GNA12: variants seen among roughly 807,000 people sequenced by gnomAD.
The protein encoded by GNA12 is guanine nucleotide-binding protein subunit alpha-12.
GNA12 carries 9 observed loss-of-function variants against 26.0 expected under a neutral mutation model. That is an observed-to-expected ratio of 0.35 (90% CI 0.21 to 0.60). The LOEUF is 0.60. Ranked by LOEUF, GNA12 falls within the 20% of genes least tolerant of loss-of-function variation. GNA12 has a pLI of 0.78. For missense variants in GNA12, 405 were observed against 525.8 expected (o/e 0.77, Z 2.25); for synonymous variants, 264 against 219.6 (o/e 1.20, Z -1.79).
At chr7:2,787,727 G>A (rs937624996) in intron 2 of GNA12, among the ~76,000 whole-genome samples, 1 of 151,936 alleles carries the variant, frequency 6.6e-6, no homozygotes, top group African/African-American at 2.4e-5. Context: ...GGGAGAGGCC[G>A]GGGGTAAGTG....
chr7:2,754,878 A>G (rs915268090), intron 2 of GNA12, among the ~76,000 whole-genome samples: 3 of 152,198 alleles, frequency 2.0e-5, no homozygotes, highest in Non-Finnish European at 2.9e-5. Flanking sequence ...TCTAGGCCCC[A>G]AGGAGTTTCT....
chr7:2,743,936 T>A, intron 2 of GNA12, among the ~76,000 whole-genome samples: 1 of 151,812 alleles, frequency 6.6e-6, no homozygotes, highest in East Asian at 1.9e-4. Flanking sequence ...CACAGCAGTC[T>A]GAGATCAAAC....
intron 2 of GNA12, among the ~76,000 whole-genome samples, chr7:2,766,472 G>A (rs750675963): frequency 4.9e-4 from 72 of 148,396 alleles, no homozygotes; most frequent in Non-Finnish European, 9.3e-4. Context: ...TGCAACCTCC[G>A]CTTCCCAGGT....
intron 2 of GNA12, among the ~76,000 whole-genome samples, chr7:2,742,859 C>T (rs798513): frequency 0.4 from 61,455 of 152,066 alleles, 12,665 homozygotes; most frequent in Admixed American, 0.47. Context: ...AGAAATACAA[C>T]TGATTTCTGT....
chr7:2,822,762 T>C (rs967999470), intron 1 of GNA12, among the ~76,000 whole-genome samples: 3 of 152,188 alleles, frequency 2.0e-5, no homozygotes, highest in Admixed American at 6.5e-5. Flanking sequence ...CAGCGAGCTA[T>C]GATCGCCCCA....
At chr7:2,733,084 G>A (rs1242497882) in intron 3 of GNA12, among the ~76,000 whole-genome samples, 2 of 152,198 alleles carry the variant, frequency 1.3e-5, no homozygotes, top group South Asian at 2.1e-4. Flanking sequence ...CCCGGAGGCC[G>A]GGGGAGGGCT....
intron 2 of GNA12, among the ~76,000 whole-genome samples, chr7:2,751,912 C>T (rs1366957034): frequency 6.6e-6 from 1 of 152,180 alleles, no homozygotes; most frequent in Non-Finnish European, 1.5e-5. Context: ...GATGACCTCA[C>T]TATCAAACAC....
At chr7:2,820,620 G>C (rs1284210294) in intron 1 of GNA12, among the ~76,000 whole-genome samples, 1 of 152,254 alleles carries the variant, frequency 6.6e-6, no homozygotes, top group East Asian at 1.9e-4. Flanking sequence ...GTGACACACA[G>C]TGTGGCAGCT....
chr7:2,731,678 C>A lies in GNA12; in HGVS notation c.649G>T (p.Val217Phe). The A allele has an allele frequency of 6.2e-7, 1 of 1,608,054 alleles. No individual in the cohort carries two copies. Among genetic ancestry groups the A allele is most frequent in the Non-Finnish European group, 8.5e-7 (1 of 1,176,928 alleles). ...ATCTTAAAGGGGATCTTCTTAATAA[C>A]GAAGTCATGCTCCACAATTCCCTTG... ...ATKGIVEHDF[V>F]IKKIPFKMVD... The change falls in exon 4 of 4, where the codon GTT becomes TTT. Residue 217 changes from valine (V) to phenylalanine (F), a missense_variant. Val to Phe is a conservative substitution (Grantham distance 50, BLOSUM62 -1). Transcript: ENST00000275364. The surrounding 1 kb of genome is among the most constrained non-coding windows in gnomAD (Gnocchi z 6.0).
intron 2 of GNA12, among the ~76,000 whole-genome samples, chr7:2,737,036 C>A (rs529348587): frequency 3.5e-4 from 53 of 152,294 alleles, no homozygotes; most frequent in African/African-American, 1.2e-3. Context: ...TCCTGCCTGT[C>A]AATGTCACAG....
chr7:2,760,803 G>A (rs1433154789), intron 2 of GNA12, among the ~76,000 whole-genome samples: 1 of 152,214 alleles, frequency 6.6e-6, no homozygotes. Flanking sequence ...TCCCAGCTGC[G>A]TGGCTTTACC....
intron 2 of GNA12, among the ~76,000 whole-genome samples, chr7:2,750,259 G>C (rs538828700): frequency 5.9e-5 from 9 of 152,302 alleles, no homozygotes; most frequent in Non-Finnish European, 1.2e-4. Context: ...AGAGAGCTGA[G>C]ATCACAGGAC....
At chr7:2,768,657 C>T (rs1180733665) in intron 2 of GNA12, among the ~76,000 whole-genome samples, 3 of 143,488 alleles carry the variant, frequency 2.1e-5, no homozygotes, top group Non-Finnish European at 4.5e-5. Flanking sequence ...GGTGAATATG[C>T]TCTCAAGGTA....
intron 2 of GNA12, among the ~76,000 whole-genome samples, chr7:2,764,403 C>G (rs1791715741): frequency 6.6e-6 from 1 of 152,126 alleles, no homozygotes; most frequent in South Asian, 2.1e-4. Context: ...ATTATTCACA[C>G]AGAAGTACAT....
rs142676487 is a variant in GNA12, at chr7:2,763,012, C to T, written c.526-29511G>A. ...TGTGCTACTGTGGTCGCCAACAGCC[C>T]CGCCGGCCACTGGCCCAGGACTCAG... On this transcript the variant is annotated intron_variant, in intron 2 of 3. Transcript: ENST00000275364. 6.0e-4 allele frequency: 761 copies of T among 1,278,458 alleles called. 4 individuals are homozygous for T. In the African/African-American group the frequency reaches 0.011, roughly 18 times the overall value. The allele number at this position is 1,278,458 out of a possible 1,614,324, so 79.2% of individuals were successfully genotyped here.
chr7:2,818,569 C>T (rs1793268130), intron 1 of GNA12, among the ~76,000 whole-genome samples: 1 of 152,176 alleles, frequency 6.6e-6, no homozygotes, highest in Admixed American at 6.5e-5. Context: ...TCGAGACCAG[C>T]CTGGGCAACA....
chr7:2,797,155 C>T (rs1286597432), intron 1 of GNA12, among the ~76,000 whole-genome samples: 1 of 152,156 alleles, frequency 6.6e-6, no homozygotes, highest in Non-Finnish European at 1.5e-5. Context: ...TATCTATGTT[C>T]CTTTTTTGGA....
chr7:2,738,899 C>T (rs1015089841), intron 2 of GNA12, among the ~76,000 whole-genome samples: 7 of 152,194 alleles, frequency 4.6e-5, no homozygotes, highest in Middle Eastern at 3.2e-3. Context: ...ACTCTGGCCA[C>T]GCTTTGGCCC....
chr7:2,825,887 T>C lies in GNA12; in HGVS notation c.309+17966A>G, dbSNP rs531629797. On this transcript the variant is annotated intron_variant, in intron 1 of 3. Coordinates refer to ENST00000275364, the MANE Select transcript of GNA12 (RefSeq NM_007353.3). ...CACCACCCAGGGGACAACCAGCACATAGAAAGACGCTCCACACCATATATC... is the reference window on the plus strand; with the variant it reads ...CACCACCCAGGGGACAACCAGCACACAGAAAGACGCTCCACACCATATATC... 5.9e-5 allele frequency among the ~76,000 whole-genome samples: 9 copies of C among 152,116 alleles called. No homozygotes were observed. In the East Asian group the frequency reaches 1.2e-3, roughly 20 times the overall value.
Sources: allele counts gnomAD v4.1 joint callset (sites outside exome capture counted in the v4.1 genomes callset), GRCh38; gene constraint gnomAD v4.1.1; non-coding constraint Gnocchi (gnomAD v3.1); transcripts MANE v1.5; gene names NCBI Gene and HGNC (gene_info 2026-07-23, HGNC 2026-07-21).